GRIN3A: variants seen among roughly 807,000 people sequenced by gnomAD.
GRIN3A encodes the protein glutamate ionotropic receptor NMDA type subunit 3A.
Under a neutral mutation model 92.4 loss-of-function variants are expected in GRIN3A, and 47 were observed. The observed-to-expected ratio is 0.51, with a 90% confidence interval of 0.40 to 0.65. The LOEUF (loss-of-function observed/expected upper bound fraction) is 0.65. Ranked by LOEUF, GRIN3A falls within the 30% of genes least tolerant of loss-of-function variation. The pLI, the probability that GRIN3A is intolerant of heterozygous loss-of-function variation, is 0.00. For missense variants in GRIN3A, 1,324 were observed against 1,393.1 expected, an observed-to-expected ratio of 0.95 and a Z score of 0.79; for synonymous variants, 527 against 540.6, an observed-to-expected ratio of 0.97 and a Z score of 0.35.
intron 6 of GRIN3A, among the ~76,000 whole-genome samples, chr9:101,609,632 T>C (rs555366443): frequency 2.6e-5 from 4 of 152,338 alleles, no homozygotes; most frequent in Admixed American, 2.0e-4. Context: ...CTTCTGTGTG[T>C]CCAGGTAGAG....
At chr9:101,588,481 C>T (rs911984457) in intron 6 of GRIN3A, among the ~76,000 whole-genome samples, 2 of 152,010 alleles carry the variant, frequency 1.3e-5, no homozygotes, top group African/African-American at 2.4e-5. Flanking sequence ...ATTCTTGAGC[C>T]CCCATTTCTT....
chr9:101,708,764 C>T (rs779027856), intron 1 of GRIN3A, among the ~76,000 whole-genome samples: 2 of 152,194 alleles, frequency 1.3e-5, no homozygotes, highest in South Asian at 2.1e-4. Context: ...GAGTGAGCAT[C>T]TACCTTTCAC....
chr9:101,705,019 G>A (rs181066733), intron 1 of GRIN3A, among the ~76,000 whole-genome samples: 3 of 150,542 alleles, frequency 2.0e-5, no homozygotes, highest in African/African-American at 7.3e-5. Context: ...GATAAGGAAG[G>A]GGGGGCAGGG....
At chr9:101,645,049 T>C (rs1018412479) in intron 3 of GRIN3A, among the ~76,000 whole-genome samples, 2 of 151,936 alleles carry the variant, frequency 1.3e-5, no homozygotes, top group Non-Finnish European at 2.9e-5. Flanking sequence ...AAATATAATA[T>C]AAACTATTGT....
chr9:101,726,291 C>A (rs147890566), intron 1 of GRIN3A, among the ~76,000 whole-genome samples: 1 of 152,214 alleles, frequency 6.6e-6, no homozygotes, highest in African/African-American at 2.4e-5. Context: ...TCATAAGAAC[C>A]ACATCCATGG....
At chr9:101,658,496 A>G (rs1034242053) in intron 3 of GRIN3A, among the ~76,000 whole-genome samples, 4 of 151,894 alleles carry the variant, frequency 2.6e-5, no homozygotes, top group Non-Finnish European at 5.9e-5. Context: ...TCCATTAATT[A>G]TATGCCTTCA....
intron 6 of GRIN3A, among the ~76,000 whole-genome samples, chr9:101,605,605 G>T (rs773633208): frequency 6.6e-6 from 1 of 152,180 alleles, no homozygotes; most frequent in African/African-American, 2.4e-5. Context: ...GGATAGGAAA[G>T]GTCAAGAATG....
At chr9:101,679,514 G>T (rs1354365726) in intron 2 of GRIN3A, among the ~76,000 whole-genome samples, 1 of 152,140 alleles carries the variant, frequency 6.6e-6, no homozygotes, top group Non-Finnish European at 1.5e-5. Flanking sequence ...TCATCTCTTG[G>T]CATGACTTAA....
chr9:101,598,835 A>G (rs1828174253), intron 6 of GRIN3A, among the ~76,000 whole-genome samples: 1 of 152,218 alleles, frequency 6.6e-6, no homozygotes. Context: ...AAACTCTTTG[A>G]GGACTGATTA....
intron 2 of GRIN3A, among the ~76,000 whole-genome samples, chr9:101,683,244 G>A (rs1384579734): frequency 7.2e-5 from 11 of 152,152 alleles, no homozygotes; most frequent in Non-Finnish European, 2.9e-5. Flanking sequence ...ATTTTAAGAT[G>A]TTAACAGTTC....
At chr9:101,651,953 C>G (rs1008296215) in intron 3 of GRIN3A, among the ~76,000 whole-genome samples, 12 of 151,852 alleles carry the variant, frequency 7.9e-5, no homozygotes, top group African/African-American at 2.9e-4. Flanking sequence ...GATTCTGATC[C>G]CTTAAATTTG....
intron 3 of GRIN3A, among the ~76,000 whole-genome samples, chr9:101,659,176 C>T (rs974414023): frequency 1.3e-5 from 2 of 151,724 alleles, no homozygotes; most frequent in African/African-American, 4.8e-5. Context: ...CTCTGTATTC[C>T]AAATGTGAGT....
intron 6 of GRIN3A, among the ~76,000 whole-genome samples, chr9:101,598,655 TTTATTG>T (rs892423453): frequency 6.6e-6 from 1 of 152,168 alleles, no homozygotes; most frequent in Non-Finnish European, 1.5e-5. Context: ...TATTACTAAT[TTTATTG>T]TTACTTACCC....
chr9:101,614,156 G>C (rs1010792707), intron 5 of GRIN3A, among the ~76,000 whole-genome samples: 1 of 152,142 alleles, frequency 6.6e-6, no homozygotes, highest in African/African-American at 2.4e-5. Flanking sequence ...ATTGCTTGCT[G>C]TAATATAAAC....
chr9:101,730,748 A>T, intron 1 of GRIN3A, among the ~76,000 whole-genome samples: 1 of 152,158 alleles, frequency 6.6e-6, no homozygotes, highest in East Asian at 1.9e-4. Flanking sequence ...ACATTTAAAC[A>T]TACACTACAA....
chr9:101,725,413 A>G (rs1830072257), intron 1 of GRIN3A, among the ~76,000 whole-genome samples: 1 of 152,238 alleles, frequency 6.6e-6, no homozygotes. Context: ...TGAGAAATAT[A>G]TGAAGGAAAG....
At chr9:101,706,926 T>C (rs1829821582) in intron 1 of GRIN3A, among the ~76,000 whole-genome samples, 1 of 152,202 alleles carries the variant, frequency 6.6e-6, no homozygotes, top group Admixed American at 6.5e-5. Flanking sequence ...CTCCCTTTTT[T>C]CCCTTCTCAC....
intron 2 of GRIN3A, 150 bp downstream of exon 2, chr9:101,686,446 C>G (rs1588282806): frequency 1.1e-6 from 1 of 887,856 alleles, no homozygotes; most frequent in East Asian, 2.4e-5. Flanking sequence ...TCATGAAATA[C>G]TAGCCTATAT....
chr9:101,724,953 A>G (rs1283153881), intron 1 of GRIN3A, among the ~76,000 whole-genome samples: 1 of 152,196 alleles, frequency 6.6e-6, no homozygotes, highest in African/African-American at 2.4e-5. Flanking sequence ...TTATTAACCT[A>G]TATTTCTCTG....
Sources: gnomAD v4.1 joint callset for allele counts (sites outside exome capture counted in the v4.1 genomes callset) on GRCh38, gnomAD v4.1.1 for gene constraint, MANE v1.5 for transcripts, NCBI Gene and HGNC (gene_info 2026-07-23, HGNC 2026-07-21) for gene names.